Variants in NBPF12 observed in about 807,000 individuals in gnomAD.
The protein encoded by NBPF12 is NBPF family member NBPF12.
NBPF12 carries 115 observed loss-of-function variants against 146.4 expected under a neutral mutation model. The ratio of observed to expected loss-of-function variants is 0.79; its 90% CI spans 0.68 to 0.92. The LOEUF (loss-of-function observed/expected upper bound fraction) is 0.92, where lower values mean the gene tolerates loss of function less well. Among genes scored for constraint, NBPF12 ranks in the 40% least tolerant of loss-of-function variants. The pLI is 0.00. For missense variants in NBPF12, 1,205 were observed against 1,326.8 expected (o/e 0.91, Z 1.43); for synonymous variants, 385 against 508.9 (o/e 0.76, Z 3.28).
At chr1:146,971,919 A>T (rs1656649695) in intron 13 of NBPF12, among the ~76,000 whole-genome samples, 2 of 54,018 alleles carry the variant, frequency 3.7e-5, no homozygotes. Context: ...CTTTACTAAA[A>T]ATACAAAAAA....
chr1:146,941,758 CAAAAA>C (rs1226007703), intron 1 of NBPF12, among the ~76,000 whole-genome samples: 1 of 61,840 alleles, frequency 1.6e-5, no homozygotes, highest in Admixed American at 1.9e-4. Flanking sequence ...TGTCTTGTAC[CAAAAA>C]AAAAAAAAAA....
rs1365818526 is a variant in NBPF12 at position 146,964,516 on chromosome 1, C to T, written c.566+87C>T. The stretch of plus-strand genomic sequence containing the variant: ...CACCCTCTCTGGCATCTATGGTGGG[C>T]CAAAAGCCCGCATTCCCTTGGCCAC... On this transcript the variant is annotated intron_variant, in intron 7 of 33. Coordinates refer to ENST00000617844, the Ensembl canonical transcript of NBPF12. 215 of 1,584,538 alleles carry T rather than the reference C, an allele frequency of 1.4e-4. 2 individuals carry two copies. The East Asian group carries it at 4.5e-3, about 33-fold the overall frequency.
exon 7 of NBPF12, chr1:146,964,370 T>C (rs1656056629): frequency 6.2e-7 from 1 of 1,603,146 alleles, no homozygotes; most frequent in Non-Finnish European, 8.5e-7. Context: ...ATGATGAAGA[T>C]GAGGATGAAG....
intron 9 of NBPF12, among the ~76,000 whole-genome samples, chr1:146,967,438 T>C (rs1260896092): frequency 6.7e-6 from 1 of 149,882 alleles, no homozygotes; most frequent in Non-Finnish European, 1.5e-5. Flanking sequence ...GAGGCTGAGG[T>C]TGCAGTGAGC....
intron 2 of NBPF12, among the ~76,000 whole-genome samples, chr1:146,953,979 G>A (rs1454388165): frequency 6.7e-6 from 1 of 149,738 alleles, no homozygotes; most frequent in Non-Finnish European, 1.5e-5. Flanking sequence ...GTTGCAGAAT[G>A]TAAGCTCTCA....
intron 19 of NBPF12, among the ~76,000 whole-genome samples, chr1:146,982,427 A>G (rs1657454085): frequency 6.6e-6 from 1 of 150,430 alleles, no homozygotes. Context: ...AGATGTATAT[A>G]TGCTTTCTTC....
chr1:146,940,190 G>T (rs1272563781), intron 1 of NBPF12, among the ~76,000 whole-genome samples: 1 of 152,058 alleles, frequency 6.6e-6, no homozygotes, highest in Non-Finnish European at 1.5e-5. Context: ...AATTTCACCA[G>T]TGAACCAAAA....
intron 1 of NBPF12, among the ~76,000 whole-genome samples, chr1:146,940,064 A>G (rs1387573342): frequency 6.6e-6 from 1 of 152,040 alleles, no homozygotes. Context: ...TGCCGAAAGA[A>G]TGAATCCCAC....
At chr1:146,992,434 TTCTCTC>T (rs139645973) in intron 31 of NBPF12, among the ~76,000 whole-genome samples, 100 of 81,504 alleles carry the variant, frequency 1.2e-3, no homozygotes, top group East Asian at 1.9e-3. Flanking sequence ...ACTGAGCTCG[TTCTCTC>T]TCTCTCTCTC....
chr1:146,961,414 TA>T (rs1655842190), intron 4 of NBPF12, among the ~76,000 whole-genome samples: 1 of 152,042 alleles, frequency 6.6e-6, no homozygotes, highest in African/African-American at 2.4e-5. Flanking sequence ...CCTACCTCTG[TA>T]AATTGCTGCA....
intron 5 of NBPF12, among the ~76,000 whole-genome samples, 160 bp downstream of exon 8, chr1:146,962,423 A>T (rs1655911910): frequency 8.3e-6 from 1 of 119,780 alleles, no homozygotes; most frequent in African/African-American, 3.0e-5. Context: ...GAACAAGGAT[A>T]ATAATAAGTT....
chr1:146,962,044 C>T, intron 4 of NBPF12, 117 bp from the exon 8 acceptor site: 3 of 838,844 alleles, frequency 3.6e-6, no homozygotes, highest in Non-Finnish European at 6.0e-6. Flanking sequence ...CCTGTCTAGA[C>T]CCTGGTACTG....
intron 16 of NBPF12, 124 bp from the exon 20 acceptor site, chr1:146,976,805 A>G (rs1268257975): frequency 1.9e-5 from 11 of 567,754 alleles, no homozygotes; most frequent in East Asian, 3.0e-5. Flanking sequence ...AAGATAAAAC[A>G]TGAGAGTTTT....
At chr1:146,940,601 C>T (rs1351164261) in intron 1 of NBPF12, among the ~76,000 whole-genome samples, 1 of 150,230 alleles carries the variant, frequency 6.7e-6, no homozygotes, top group African/African-American at 2.5e-5. Context: ...ACTAAATGAA[C>T]CACCACAGAT....
intron 1 of NBPF12, chr1:146,939,002 C>G (rs1277657646): frequency 2.6e-5 from 4 of 152,332 alleles, no homozygotes; most frequent in African/African-American, 9.7e-5. Flanking sequence ...CCGCGCCAGG[C>G]CGGGCGGCAG....
upstream of NBPF12, among the ~76,000 whole-genome samples, chr1:146,947,716 T>C: frequency 6.9e-6 from 1 of 144,750 alleles, no homozygotes; most frequent in Non-Finnish European, 1.5e-5. Flanking sequence ...AAAGCAGACT[T>C]CATTATATTT....
At chr1:146,992,460 CTCTGTGTGTGTGTGTGTGTGTGTG>C (rs1389199811) in intron 31 of NBPF12, among the ~76,000 whole-genome samples, 26 of 88,888 alleles carry the variant, frequency 2.9e-4, no homozygotes, top group South Asian at 1.2e-3. Flanking sequence ...CTCTCTCTCT[CTCTGTGTGTGTGTGTGTGTGTGTG>C]TGTGTGTGTG....
chr1:146,949,392 G>C, exon 1 of NBPF12: 1 of 137,386 alleles, frequency 7.3e-6, no homozygotes, highest in Admixed American at 7.3e-5. Flanking sequence ...TCTTCTTCAG[G>C]TGGCAAGGGC....
chr1:146,954,413 A>AAAAAG (rs1491410120), intron 2 of NBPF12, among the ~76,000 whole-genome samples: 1 of 112,340 alleles, frequency 8.9e-6, no homozygotes, highest in African/African-American at 3.2e-5. Context: ...AAAAAAAAAA[A>AAAAAG]GGAAAGTCAA....
Sources: allele counts gnomAD v4.1 joint callset (sites outside exome capture counted in the v4.1 genomes callset), GRCh38; gene constraint gnomAD v4.1.1; transcripts MANE v1.5; gene names NCBI Gene and HGNC (gene_info 2026-07-23, HGNC 2026-07-21).